Variants in KRR1 observed in about 807,000 individuals in gnomAD.
KRR1 encodes KRR1 small subunit processome component.
In KRR1, 23 loss-of-function variants were observed where a neutral mutation model predicts 50.0. That is an observed-to-expected ratio of 0.46 (90% CI 0.33 to 0.65). KRR1 has a LOEUF of 0.65. KRR1 is among the 30% of genes least tolerant of loss of function. The pLI, the probability that KRR1 is intolerant of heterozygous loss-of-function variation, is 0.02. For missense variants in KRR1, 419 were observed against 442.4 expected (o/e 0.95, Z 0.47); for synonymous variants, 133 against 146.3 (o/e 0.91, Z 0.66).
At chr12:75,510,349 T>C (rs1349930015) in intron 1 of KRR1, among the ~76,000 whole-genome samples, 1 of 152,148 alleles carries the variant, frequency 6.6e-6, no homozygotes, top group African/African-American at 2.4e-5. Flanking sequence ...GCAGTATTGT[T>C]TATAATTGCA....
At chr12:75,511,408 C>A in intron 1 of KRR1, 105 bp downstream of exon 1, 1 of 993,538 alleles carries the variant, frequency 1.0e-6, no homozygotes, top group Non-Finnish European at 1.6e-6. Flanking sequence ...CTCAACTACA[C>A]AGTACAGGCT....
chr12:75,509,834 C>G (rs999966147), intron 1 of KRR1, among the ~76,000 whole-genome samples: 1 of 151,760 alleles, frequency 6.6e-6, no homozygotes, highest in Non-Finnish European at 1.5e-5. Flanking sequence ...AGCAATCCCC[C>G]CTCCTCAGCT....
rs1028144421 is a variant in KRR1 at position 75,491,822 on chromosome 12, C to G, written c.*7987G>C. The G allele has an allele frequency of 1.3e-5, 2 of 151,984 alleles. No homozygotes were observed. The highest frequency in any genetic ancestry group is 4.8e-5 in the African/African-American group (2 of 41,404). 9.4% of individuals were successfully genotyped at this position (151,984 alleles called of 1,614,324 possible). A position where few individuals can be genotyped will look rare whatever the true frequency, so the allele number is the denominator to read the frequency against. ...GTTTTTATATTTTAAAGGTTTTTAA[C>G]CATTTGCAATATATATAATGATCTT... is the stretch of plus-strand genomic sequence containing the variant. On this transcript the variant is annotated 3_prime_UTR_variant, in exon 10 of 10. Transcript: ENST00000229214.
intron 1 of KRR1, among the ~76,000 whole-genome samples, chr12:75,510,633 G>A (rs1215074932): frequency 6.6e-6 from 1 of 152,170 alleles, no homozygotes; most frequent in African/African-American, 2.4e-5. Flanking sequence ...GGGTGGTTAC[G>A]TCTGATACAG....
Position 75,499,825 on chromosome 12 carries a change from TTTTTC to T in KRR1, c.1125_1129del (p.Lys376GlufsTer13), listed in dbSNP as rs901694845. ...TTGGGTATGTTACTTTTTTTTCTTC[TTTTTC>T]TTTTCATCTGCCTCCATCTTAAGTG... is the stretch of plus-strand genomic sequence containing the variant. On this transcript the variant is annotated frameshift_variant, in exon 10 of 10. Coordinates refer to ENST00000229214, the MANE Select transcript of KRR1 (RefSeq NM_007043.7). LOFTEE classifies it high-confidence loss of function. 4 of 1,599,900 alleles carry T rather than the reference TTTTTC, an allele frequency of 2.5e-6. No homozygotes were observed. Among genetic ancestry groups the T allele is most frequent in the African/African-American group, 2.7e-5 (2 of 73,788 alleles).
rs1276079765 is a variant in KRR1 at position 75,498,722 on chromosome 12, T to C, written c.*1087A>G. ...ACCGACAGCGAGACCAAGTCAAACG[T>C]ACGTACATCAATCTTAAATTGTTTC... On this transcript the variant is annotated 3_prime_UTR_variant, in exon 10 of 10. Coordinates refer to ENST00000229214, the MANE Select transcript of KRR1 (RefSeq NM_007043.7). The C allele has an allele frequency of 4.3e-6, 7 of 1,612,732 alleles. No homozygotes were observed. In the Admixed American group the frequency reaches 6.7e-5, roughly 15 times the overall value.
Position 75,498,882 on chromosome 12 carries a change from T to C in KRR1, c.*927A>G. 3 of 1,610,660 alleles carry C rather than the reference T, an allele frequency of 1.9e-6. No individual in the cohort carries two copies. The highest frequency in any genetic ancestry group is 2.5e-6 in the Non-Finnish European group (3 of 1,177,102). ...TATATCCACGTAACAGATACACTTC[T>C]CTCTTTCTCATTGTTAATTCAGTAA... On this transcript the variant is annotated 3_prime_UTR_variant, in exon 10 of 10. Coordinates refer to ENST00000229214, the MANE Select transcript of KRR1 (RefSeq NM_007043.7).
chr12:75,504,036 T>A lies in KRR1; in HGVS notation c.699A>T (p.Glu233Asp). The change falls in exon 7 of 10, where the codon GAA becomes GAT. Residue 233 changes from glutamate (E) to aspartate (D), a missense_variant. By Grantham distance (45) the Glu-to-Asp change is conservative (BLOSUM62 2). Coordinates refer to ENST00000229214, the MANE Select transcript of KRR1 (RefSeq NM_007043.7). ...MIKRELAKDS[E>D]LRSQSWERFL... is the part of the protein sequence containing the mutation. ...ATCTCTCCCAACTTTGTGATCGTAA[T>A]TCAGAATCTTTTGCCAACTCTCTCT... The A allele has an allele frequency of 6.2e-7, 1 of 1,612,138 alleles. No individual in the cohort carries two copies.
chr12:75,498,995 A>C lies in KRR1; in HGVS notation c.*814T>G, dbSNP rs1303015432. 1 of 1,515,116 alleles carries C rather than the reference A, an allele frequency of 6.6e-7. No homozygotes were observed. The highest frequency in any genetic ancestry group is 1.3e-5 in the South Asian group (1 of 76,072). The allele number at this position is 1,515,116 out of a possible 1,614,324, so 93.9% of individuals were successfully genotyped here. A position where few individuals can be genotyped will look rare whatever the true frequency, so the allele number is the denominator to read the frequency against. ...TTGGACTAATACAATTCAGGAAAGA[A>C]AAAACCCAAAAACCAACCTCATTCA... On this transcript the variant is annotated 3_prime_UTR_variant, in exon 10 of 10. Transcript: ENST00000229214.
At chr12:75,501,592 G>T in intron 9 of KRR1, 131 bp downstream of exon 9, 1 of 640,696 alleles carries the variant, frequency 1.6e-6, no homozygotes, top group Admixed American at 2.9e-5. Flanking sequence ...TTGTCCTTAG[G>T]ATTAGTAATT....
rs905561037 is a variant in KRR1, at chr12:75,492,733, C to A, written c.*7076G>T. 6.6e-6 allele frequency: 1 copy of A among 152,118 alleles called. No homozygotes were observed. The highest frequency in any genetic ancestry group is 2.4e-5 in the African/African-American group (1 of 41,406). The allele number at this position is 152,118 out of a possible 1,614,324, so 9.4% of individuals were successfully genotyped here. ...TAACTTCAAATATTCATTTATTCAA[C>A]AAATATTTGTTTTACTGAGCTCCAA... On this transcript the variant is annotated 3_prime_UTR_variant, in exon 10 of 10. Transcript: ENST00000229214.
intron 6 of KRR1, among the ~76,000 whole-genome samples, chr12:75,504,462 C>T (rs901318372): frequency 2.0e-5 from 3 of 152,074 alleles, no homozygotes; most frequent in Admixed American, 6.6e-5. Context: ...AACTTTCTCA[C>T]GATTACAGAA....
chr12:75,500,085 G>A (rs1697754), intron 9 of KRR1, 134 bp from the exon 10 acceptor site: 394,969 of 625,856 alleles, frequency 0.63, 125,218 homozygotes, highest in South Asian at 0.68. Context: ...TAATTGAAAG[G>A]TGATCACAGT....
At chr12:75,511,397 A>G (rs2046448105) in intron 1 of KRR1, 116 bp downstream of exon 1, 6 of 845,432 alleles carry the variant, frequency 7.1e-6, no homozygotes, top group African/African-American at 1.7e-5. Flanking sequence ...TTATTCAGGT[A>G]CTCAACTACA....
intron 2 of KRR1, 40 bp downstream of exon 2, chr12:75,508,234 C>A (rs1251253671): frequency 2.1e-6 from 3 of 1,441,322 alleles, no homozygotes; most frequent in East Asian, 2.5e-5. Context: ...TAAGCAAGAG[C>A]AAAGTCTCAA....
chr12:75,501,714 A>G lies in KRR1; in HGVS notation c.1003+9T>C. On this transcript the variant is annotated intron_variant, in intron 9 of 9. Transcript: ENST00000229214. The stretch of plus-strand genomic sequence containing the variant: ...TTAATAAAGACTTTTACATCATAGA[A>G]AGCATTACCTTCCTTAGGTTTCACA... 6.4e-7 allele frequency: 1 copy of G among 1,557,628 alleles called. No individual in the cohort carries two copies. The highest frequency in any genetic ancestry group is 8.8e-7 in the Non-Finnish European group (1 of 1,137,202).
intron 1 of KRR1, among the ~76,000 whole-genome samples, chr12:75,510,425 T>C (rs1795745): frequency 2.6e-5 from 4 of 152,216 alleles, no homozygotes; most frequent in African/African-American, 9.6e-5. Context: ...GGTATATTCA[T>C]ACAAGGAAAC....
Position 75,511,136 on chromosome 12 carries a change from C to A in KRR1, c.85+377G>T, listed in dbSNP as rs2046446368. Among the ~76,000 whole-genome samples, 3 of 152,316 alleles carry A rather than the reference C, an allele frequency of 2.0e-5. No individual in the cohort carries two copies. The South Asian group carries it at 6.2e-4, about 32-fold the overall frequency. On this transcript the variant is annotated intron_variant, in intron 1 of 9. Transcript: ENST00000229214. The stretch of plus-strand genomic sequence containing the variant: ...CCTCACCCCATTATCAGGGTCCACT[C>A]TTGTATATCATGACTACCTATTCCC...
At chr12:75,501,839 T>C (rs2306391) in intron 8 of KRR1, 23 bp from the exon 9 acceptor site, 394,775 of 1,570,674 alleles carry the variant, frequency 0.25, 51,135 homozygotes, top group Admixed American at 0.34. Context: ...ATAAAAAATA[T>C]ATCAGTTAAA....
Sources: gnomAD v4.1 joint callset for allele counts (sites outside exome capture counted in the v4.1 genomes callset) on GRCh38, gnomAD v4.1.1 for gene constraint, MANE v1.5 for transcripts, NCBI Gene and HGNC (gene_info 2026-07-23, HGNC 2026-07-21) for gene names.